Variants in TULP3 observed in about 807,000 individuals in gnomAD.
TULP3 encodes the protein TUB like protein 3.
Under a neutral mutation model 50.7 loss-of-function variants are expected in TULP3, and 38 were observed. The ratio of observed to expected loss-of-function variants is 0.75; its 90% CI spans 0.58 to 0.98. The LOEUF (loss-of-function observed/expected upper bound fraction) is 0.98, where lower values mean the gene tolerates loss of function less well. Among genes scored for constraint, TULP3 ranks in the 50% least tolerant of loss-of-function variants. TULP3 has a pLI of 0.00. For missense variants in TULP3, 550 were observed against 568.0 expected (o/e 0.97, Z 0.32); for synonymous variants, 183 against 196.6 (o/e 0.93, Z 0.58).
At chr12:2,937,361 C>T (rs957208437) in intron 8 of TULP3, among the ~76,000 whole-genome samples, 13 of 150,968 alleles carry the variant, frequency 8.6e-5, no homozygotes, top group African/African-American at 2.4e-4. Flanking sequence ...GGATTACAGG[C>T]GCCTGCCACC....
At chr12:2,913,718 C>A in intron 2 of TULP3, among the ~76,000 whole-genome samples, 1 of 152,232 alleles carries the variant, frequency 6.6e-6, no homozygotes, top group East Asian at 1.9e-4. Context: ...TCAAGCAATT[C>A]TCCTGCCTCA....
chr12:2,911,074 A>G (rs1347070905), intron 2 of TULP3, among the ~76,000 whole-genome samples: 2 of 152,050 alleles, frequency 1.3e-5, no homozygotes, highest in African/African-American at 4.8e-5. Flanking sequence ...AATTTTGTAT[A>G]TAGATACATT....
At chr12:2,929,304 G>A (rs1055336282) in intron 4 of TULP3, among the ~76,000 whole-genome samples, 21 of 151,722 alleles carry the variant, frequency 1.4e-4, no homozygotes, top group African/African-American at 4.6e-4. Flanking sequence ...GCGACAGAGC[G>A]AGACTCCGTC....
chr12:2,890,907 G>T lies in TULP3; in HGVS notation c.-41G>T. 3 of 1,561,502 alleles carry T rather than the reference G, an allele frequency of 1.9e-6. No individual in the cohort carries two copies. Among genetic ancestry groups the T allele is most frequent in the African/African-American group, 1.4e-5 (1 of 72,908 alleles). Reference sequence around the variant, plus strand: ...AGCCTAGCCACTCTAGCGACGGCGGGGAAGAGTGTGTACGTGGTGGGGGCT... The same window carrying T: ...AGCCTAGCCACTCTAGCGACGGCGGTGAAGAGTGTGTACGTGGTGGGGGCT... On this transcript the variant is annotated 5_prime_UTR_variant, in exon 1 of 11. Coordinates refer to ENST00000448120, the MANE Select transcript of TULP3 (RefSeq NM_003324.5).
At chr12:2,930,651 C>T (rs1390062100) in intron 5 of TULP3, among the ~76,000 whole-genome samples, 4 of 152,120 alleles carry the variant, frequency 2.6e-5, no homozygotes, top group Admixed American at 6.6e-5. Flanking sequence ...TCTCGATCTC[C>T]TGACCTCGTG....
At chr12:2,931,478 C>T (rs1050789752) in intron 6 of TULP3, among the ~76,000 whole-genome samples, 1 of 152,192 alleles carries the variant, frequency 6.6e-6, no homozygotes, top group Non-Finnish European at 1.5e-5. Context: ...GGAAAATGGA[C>T]GGGTAGTTGT....
rs2098202588 is a variant in TULP3 at position 2,938,147 on chromosome 12, A to G, written c.1057A>G (p.Arg353Gly). 4 of 1,614,216 alleles carry G rather than the reference A, an allele frequency of 2.5e-6. No individual in the cohort carries two copies. The highest frequency in any genetic ancestry group is 3.4e-6 in the Non-Finnish European group (4 of 1,180,032). ...CAGTTTGCTCTCAAGGTGGCAGAAC[A>G]GAACTATGGAAAATCTGGTTGAGCT... ...HDSLLSRWQN[R>G]TMENLVELHN... The change falls in exon 10 of 11, where the codon AGA becomes GGA. Residue 353 changes from arginine to glycine, a missense_variant. Physicochemically the swap from Arg to Gly is moderately radical, Grantham distance 125. Transcript: ENST00000448120.
rs1292960751 is a variant in TULP3, at chr12:2,937,734, G to T, written c.1023+5G>T. On this transcript the variant is annotated splice_donor_5th_base_variant and intron_variant, in intron 9 of 10. Transcript: ENST00000448120. ...ATCCCCTATCAGCCACAAAACGTGA[G>T]TAAGAATGTATTTAAATCAGTGAAA... is the stretch of plus-strand genomic sequence containing the variant. 1 of 1,602,630 alleles carries T rather than the reference G, an allele frequency of 6.2e-7. No homozygotes were observed. Among genetic ancestry groups the T allele is most frequent in the Non-Finnish European group, 8.5e-7 (1 of 1,171,930 alleles).
chr12:2,903,249 T>A (rs1167159734), intron 1 of TULP3, among the ~76,000 whole-genome samples: 1 of 152,152 alleles, frequency 6.6e-6, no homozygotes, highest in Non-Finnish European at 1.5e-5. Flanking sequence ...TTTGAAAATG[T>A]ATATTTTCTT....
At chr12:2,934,389 G>C in intron 7 of TULP3, 58 bp from the exon 8 acceptor site, 1 of 1,160,876 alleles carries the variant, frequency 8.6e-7, no homozygotes, top group Non-Finnish European at 1.2e-6. Context: ...CTCTTAGATT[G>C]TGTTTGTATA....
chr12:2,930,403 C>A, intron 5 of TULP3, 58 bp downstream of exon 5: 1 of 1,080,808 alleles, frequency 9.3e-7, no homozygotes, highest in Non-Finnish European at 1.3e-6. Flanking sequence ...TCAAACATAT[C>A]TTCAGTATTT....
rs144673036 is a variant in TULP3, at chr12:2,904,586, C to T, written c.42-4943C>T. 2.5e-3 allele frequency among the ~76,000 whole-genome samples: 388 copies of T among 152,308 alleles called. 2 individuals are homozygous for T. The highest frequency in any genetic ancestry group is 0.024 in the Middle Eastern group (7 of 294). On this transcript the variant is annotated intron_variant, in intron 1 of 10. Coordinates refer to ENST00000448120, the MANE Select transcript of TULP3 (RefSeq NM_003324.5). ...GTTCTATGGGCATTCTCCTCTGCCA[C>T]GCTTGAGTGTTTCTGTGTTTCTTCA...
At chr12:2,908,362 G>A (rs943480259) in intron 1 of TULP3, among the ~76,000 whole-genome samples, 9 of 152,042 alleles carry the variant, frequency 5.9e-5, no homozygotes, top group African/African-American at 1.9e-4. Flanking sequence ...CAAGAATGCC[G>A]AGTCACAAAA....
At chr12:2,936,663 T>A (rs1264854200) in intron 8 of TULP3, among the ~76,000 whole-genome samples, 1 of 150,400 alleles carries the variant, frequency 6.6e-6, no homozygotes, top group Non-Finnish European at 1.5e-5. Flanking sequence ...GCAGGAAAAT[T>A]GCTTGAACCC....
intron 6 of TULP3, among the ~76,000 whole-genome samples, chr12:2,932,841 G>A (rs1266480474): frequency 3.3e-5 from 5 of 152,076 alleles, no homozygotes; most frequent in African/African-American, 1.2e-4. Context: ...TTAACTGGAA[G>A]TTTTAGGGAT....
At chr12:2,918,952 G>C (rs2098190222) in intron 2 of TULP3, among the ~76,000 whole-genome samples, 1 of 151,688 alleles carries the variant, frequency 6.6e-6, no homozygotes, top group African/African-American at 2.4e-5. Context: ...GAGTGTAGTG[G>C]CATGATCTCA....
At position 2,899,790 on chromosome 12, in the gene TULP3, G is replaced by A. The variant is rs560968045; in HGVS notation, c.41+8802G>A. Among the ~76,000 whole-genome samples the A allele has an allele frequency of 3.5e-4, 53 of 151,862 alleles. No individual in the cohort carries two copies. The East Asian group carries it at 0.01, about 30-fold the overall frequency. ...TGCCTGTAGTCTTAGTTACTCGGGA[G>A]GCTGAGGCAGGAGAATGGCATGAAC... On this transcript the variant is annotated intron_variant, in intron 1 of 10. Coordinates refer to ENST00000448120, the MANE Select transcript of TULP3 (RefSeq NM_003324.5).
In TULP3 at chr12:2,915,452, T is replaced by C. The variant is rs183691512; in HGVS notation, c.94-5311T>C. ...GATGAGAGGTCATCACTGCACTGAA[T>C]GATATTTTAAGAAGTCTAGTTTAAA... On this transcript the variant is annotated intron_variant, in intron 2 of 10. Transcript: ENST00000448120. 9.1e-4 allele frequency among the ~76,000 whole-genome samples: 138 copies of C among 152,334 alleles called. No homozygotes were observed. The East Asian group carries it at 0.02, about 22-fold the overall frequency.
At chr12:2,903,404 A>G (rs978075412) in intron 1 of TULP3, among the ~76,000 whole-genome samples, 5 of 151,600 alleles carry the variant, frequency 3.3e-5, no homozygotes, top group Non-Finnish European at 7.4e-5. Flanking sequence ...CTCCACTAAA[A>G]ATACAAAATT....
Sources: gnomAD v4.1 joint callset for allele counts (sites outside exome capture counted in the v4.1 genomes callset) on GRCh38, gnomAD v4.1.1 for gene constraint, MANE v1.5 for transcripts, NCBI Gene and HGNC (gene_info 2026-07-23, HGNC 2026-07-21) for gene names.